Variants in POLR3B observed in about 807,000 individuals in gnomAD.
POLR3B encodes the protein DNA-directed RNA polymerase III subunit RPC2.
POLR3B carries 96 observed loss-of-function variants against 147.4 expected under a neutral mutation model. The ratio of observed to expected loss-of-function variants is 0.65; its 90% CI spans 0.55 to 0.77. The LOEUF (loss-of-function observed/expected upper bound fraction) is 0.77. Among genes scored for constraint, POLR3B ranks in the 30% least tolerant of loss-of-function variants. The pLI is 0.00. For synonymous variants in POLR3B, 461 were observed against 485.9 expected (o/e 0.95, Z 0.67); for missense variants, 1,036 against 1,413.5 (o/e 0.73, Z 4.28).
chr12:106,463,566 C>T lies in POLR3B; in HGVS notation c.2659C>T (p.Gln887Ter), dbSNP rs2037967682. 6.2e-7 allele frequency: 1 copy of T among 1,613,574 alleles called. No individual in the cohort carries two copies. Among genetic ancestry groups the T allele is most frequent in the Non-Finnish European group, 8.5e-7 (1 of 1,179,510 alleles). The change falls in exon 23 of 28, where the codon CAG becomes TAG. Residue 887 changes from glutamine to a stop codon, truncating the protein, a stop_gained. Transcript: ENST00000228347. LOFTEE classifies it high-confidence loss of function. The stretch of plus-strand genomic sequence containing the variant: ...TTTTCTGATCAAAATGCTGCTGAGA[C>T]AGACAAGGCGTCCAGAAATTGGAGA... ...DAFLIKMLLR[Q>*]TRRPEIGDKF...
At chr12:106,433,092 C>T (rs956427782) in intron 15 of POLR3B, among the ~76,000 whole-genome samples, 1 of 152,156 alleles carries the variant, frequency 6.6e-6, no homozygotes, top group Non-Finnish European at 1.5e-5. Context: ...TTCCTCTCCC[C>T]CTTCCTCTCA....
chr12:106,408,837 A>G (rs7306326), intron 11 of POLR3B, among the ~76,000 whole-genome samples: 59,864 of 152,026 alleles, frequency 0.39, 14,016 homozygotes, highest in African/African-American at 0.66. Flanking sequence ...CTGGAAAAAT[A>G]TGCTAAGTAT....
chr12:106,497,225 A>G (rs2038507975), intron 25 of POLR3B, among the ~76,000 whole-genome samples: 2 of 144,056 alleles, frequency 1.4e-5, no homozygotes, highest in Non-Finnish European at 3.1e-5. Context: ...CGTATGACCC[A>G]GGGAAGCCAA....
chr12:106,489,925 A>G (rs1592771746), intron 23 of POLR3B, among the ~76,000 whole-genome samples: 1 of 152,172 alleles, frequency 6.6e-6, no homozygotes, highest in East Asian at 1.9e-4. Flanking sequence ...GGCTATCCGT[A>G]TGAGCCCCAT....
chr12:106,493,138 C>T (rs1448962660), intron 23 of POLR3B, among the ~76,000 whole-genome samples: 1 of 152,158 alleles, frequency 6.6e-6, no homozygotes, highest in Non-Finnish European at 1.5e-5. Context: ...CAACAGCTTC[C>T]ATTAGATATG....
chr12:106,507,652 G>A (rs551334342), intron 27 of POLR3B: 3 of 372,830 alleles, frequency 8.0e-6, no homozygotes, highest in Non-Finnish European at 1.6e-5. Flanking sequence ...TACTGTTAAC[G>A]GATCAAATAC....
rs572108183 is a variant in POLR3B at position 106,403,816 on chromosome 12, G to T, written c.847-2041G>T. On this transcript the variant is annotated intron_variant, in intron 10 of 27. Coordinates refer to ENST00000228347, the MANE Select transcript of POLR3B (RefSeq NM_018082.6). ...CACACACCGGGGACTGTTGTGGGGTGGGGGGAGGGGGGAGGGATAGCATTG... is the reference window on the plus strand; with the variant it reads ...CACACACCGGGGACTGTTGTGGGGTTGGGGGAGGGGGGAGGGATAGCATTG... 1.1e-3 allele frequency among the ~76,000 whole-genome samples: 128 copies of T among 112,450 alleles called. 1 individual carries two copies. Among genetic ancestry groups the T allele is most frequent in the Non-Finnish European group, 4.2e-4 (24 of 56,908 alleles). 73.8% of individuals were successfully genotyped at this position (112,450 alleles called of 152,430 possible).
intron 14 of POLR3B, 103 bp downstream of exon 14, chr12:106,430,576 A>G (rs1593037223): frequency 1.2e-6 from 1 of 842,408 alleles, no homozygotes; most frequent in East Asian, 2.5e-5. Flanking sequence ...TCCAGGCCAT[A>G]TCCTTTCTTT....
chr12:106,485,915 G>A (rs1168088688), intron 23 of POLR3B, among the ~76,000 whole-genome samples: 1 of 152,070 alleles, frequency 6.6e-6, no homozygotes, highest in African/African-American at 2.4e-5. Flanking sequence ...TTTGTGTATT[G>A]ATCATTTATA....
intron 25 of POLR3B, among the ~76,000 whole-genome samples, chr12:106,497,599 A>G (rs527481840): frequency 1.3e-5 from 2 of 152,322 alleles, no homozygotes. Context: ...CAATTATGTG[A>G]TGAGTATCAG....
chr12:106,409,373 T>TTTTTTTGGG (rs1455882148), intron 11 of POLR3B, among the ~76,000 whole-genome samples: 1 of 143,302 alleles, frequency 7.0e-6, no homozygotes, highest in Non-Finnish European at 1.5e-5. Context: ...TTTTTTTTTC[T>TTTTTTTGGG]TGAGGATGGA....
In POLR3B at chr12:106,486,871, G is replaced by T. The variant is rs150273170; in HGVS notation, c.2714-9184G>T. Among the ~76,000 whole-genome samples, 617 of 152,304 alleles carry T rather than the reference G, an allele frequency of 4.1e-3. 7 individuals are homozygous for T. The highest frequency in any genetic ancestry group is 0.014 in the African/African-American group (599 of 41,560). ...ATCAGGATTTCAAACAGATGTAAAA[G>T]GAAGTAAATTTCTGAGCCCTCAACT... On this transcript the variant is annotated intron_variant, in intron 23 of 27. Transcript: ENST00000228347.
chr12:106,428,861 A>T (rs1274873063), intron 13 of POLR3B, among the ~76,000 whole-genome samples: 2 of 152,216 alleles, frequency 1.3e-5, no homozygotes, highest in African/African-American at 4.8e-5. Flanking sequence ...ATCGATCTTC[A>T]CTATAACAGT....
At chr12:106,477,713 T>A (rs1226534096) in intron 23 of POLR3B, among the ~76,000 whole-genome samples, 5 of 152,044 alleles carry the variant, frequency 3.3e-5, no homozygotes, top group African/African-American at 9.7e-5. Flanking sequence ...TGCCTCACCC[T>A]GCTTCGGCTC....
At chr12:106,453,151 A>G (rs2037819038) in intron 19 of POLR3B, among the ~76,000 whole-genome samples, 1 of 151,322 alleles carries the variant, frequency 6.6e-6, no homozygotes, top group Non-Finnish European at 1.5e-5. Flanking sequence ...CAGCCACCCA[A>G]GTAGCTGGGA....
chr12:106,462,835 G>T (rs372219268), intron 22 of POLR3B, among the ~76,000 whole-genome samples: 1 of 152,090 alleles, frequency 6.6e-6, no homozygotes, highest in Non-Finnish European at 1.5e-5. Flanking sequence ...CTGTGGCAGG[G>T]CTTGACAGCT....
At chr12:106,457,959 G>A (rs1432070870) in intron 21 of POLR3B, among the ~76,000 whole-genome samples, 1 of 152,122 alleles carries the variant, frequency 6.6e-6, no homozygotes, top group Admixed American at 6.6e-5. Flanking sequence ...GCTTGTGCAA[G>A]GGTCCCAGAG....
At chr12:106,358,005 C>A (rs539227059) in intron 1 of POLR3B, 54 bp downstream of exon 1, 3 of 1,598,708 alleles carry the variant, frequency 1.9e-6, no homozygotes, top group Non-Finnish European at 1.7e-6. Flanking sequence ...CCTGAGGGGG[C>A]GTTGCCCGGA....
intron 10 of POLR3B, among the ~76,000 whole-genome samples, chr12:106,405,287 A>G (rs959271381): frequency 3.3e-5 from 5 of 152,152 alleles, no homozygotes; most frequent in African/African-American, 1.2e-4. Flanking sequence ...CGTATAATGA[A>G]CAGTTATGAA....
Sources: allele counts gnomAD v4.1 joint callset (sites outside exome capture counted in the v4.1 genomes callset), GRCh38; gene constraint gnomAD v4.1.1; transcripts MANE v1.5; gene names NCBI Gene and HGNC (gene_info 2026-07-23, HGNC 2026-07-21).